TBC1D5: variants seen among roughly 807,000 people sequenced by gnomAD.
TBC1D5 encodes TBC1 domain family, member 5.
A neutral mutation model predicts 100.3 loss-of-function variants in TBC1D5; 75 were observed. The observed-to-expected ratio is 0.75, with a 90% CI of 0.62 to 0.91. TBC1D5 has a LOEUF of 0.91. Among genes scored for constraint, TBC1D5 ranks in the 40% least tolerant of loss-of-function variants. The pLI, the probability that TBC1D5 is intolerant of heterozygous loss-of-function variation, is 0.00. For missense variants in TBC1D5, 910 were observed against 942.4 expected (o/e 0.97, Z 0.45); for synonymous variants, 323 against 325.6 (o/e 0.99, Z 0.09).
intron 15 of TBC1D5, among the ~76,000 whole-genome samples, chr3:17,267,830 T>A (rs923719683): frequency 2.6e-5 from 4 of 152,136 alleles, no homozygotes; most frequent in African/African-American, 7.2e-5. Context: ...AGCCACACTT[T>A]TAATGCAACT....
At chr3:17,442,680 T>C (rs997890823) in intron 3 of TBC1D5, among the ~76,000 whole-genome samples, 3 of 152,130 alleles carry the variant, frequency 2.0e-5, no homozygotes, top group Admixed American at 2.0e-4. Flanking sequence ...ATAATATTAA[T>C]ATCAACTACC....
chr3:17,401,643 C>T (rs1202770835), intron 8 of TBC1D5, among the ~76,000 whole-genome samples: 4 of 151,972 alleles, frequency 2.6e-5, no homozygotes, highest in African/African-American at 7.2e-5. Context: ...CTCTGTGACT[C>T]GGCACCAGCG....
At chr3:17,445,766 A>G (rs1008203369) in intron 3 of TBC1D5, among the ~76,000 whole-genome samples, 1 of 152,230 alleles carries the variant, frequency 6.6e-6, no homozygotes, top group Non-Finnish European at 1.5e-5. Flanking sequence ...ATGTACGTAT[A>G]GCAAAAAACA....
chr3:17,386,552 G>A (rs745758638), intron 8 of TBC1D5, among the ~76,000 whole-genome samples: 3 of 152,062 alleles, frequency 2.0e-5, no homozygotes, highest in Non-Finnish European at 4.4e-5. Flanking sequence ...CAGCTTACAC[G>A]TCTGCCAATC....
intron 3 of TBC1D5, among the ~76,000 whole-genome samples, chr3:17,502,416 T>C (rs1209885987): frequency 6.7e-6 from 1 of 149,398 alleles, no homozygotes; most frequent in African/African-American, 2.5e-5. Flanking sequence ...ATCCTGGTTT[T>C]CCTTCTACTT....
intron 3 of TBC1D5, among the ~76,000 whole-genome samples, chr3:17,467,994 A>G (rs968364447): frequency 6.6e-6 from 1 of 152,224 alleles, no homozygotes; most frequent in Non-Finnish European, 1.5e-5. Flanking sequence ...TGAAGTAAAG[A>G]GACTAAAGAA....
chr3:17,192,444 G>A (rs954246947), intron 18 of TBC1D5, among the ~76,000 whole-genome samples: 2 of 152,058 alleles, frequency 1.3e-5, no homozygotes, highest in African/African-American at 4.8e-5. Context: ...ATGGTAAAGG[G>A]CTTCCTTCTA....
intron 2 of TBC1D5, among the ~76,000 whole-genome samples, chr3:17,600,357 T>C (rs1435806251): frequency 1.3e-5 from 2 of 152,234 alleles, no homozygotes; most frequent in African/African-American, 4.8e-5. Flanking sequence ...GAAGGTCACA[T>C]GTATTTATTA....
intron 2 of TBC1D5, among the ~76,000 whole-genome samples, chr3:17,592,309 G>A (rs1461691047): frequency 1.3e-5 from 2 of 152,210 alleles, no homozygotes; most frequent in Non-Finnish European, 2.9e-5. Context: ...ACTGGATCCA[G>A]CGAGAAAGAA....
At chr3:17,474,282 T>C (rs2095413062) in intron 3 of TBC1D5, among the ~76,000 whole-genome samples, 1 of 152,146 alleles carries the variant, frequency 6.6e-6, no homozygotes, top group African/African-American at 2.4e-5. Flanking sequence ...TCAAAACAGA[T>C]TTCTGAGTTA....
chr3:17,530,777 T>C (rs2096210871), intron 2 of TBC1D5, among the ~76,000 whole-genome samples: 1 of 152,106 alleles, frequency 6.6e-6, no homozygotes, highest in South Asian at 2.1e-4. Context: ...TTGACAAAAT[T>C]CAACAACCCT....
At chr3:17,201,734 G>A (rs2071487333) in intron 18 of TBC1D5, among the ~76,000 whole-genome samples, 1 of 152,066 alleles carries the variant, frequency 6.6e-6, no homozygotes, top group African/African-American at 2.4e-5. Flanking sequence ...CTCCTTCTCT[G>A]GCTGTGTAAG....
At chr3:17,594,323 G>T (rs890899970) in intron 2 of TBC1D5, among the ~76,000 whole-genome samples, 9 of 152,156 alleles carry the variant, frequency 5.9e-5, no homozygotes, top group African/African-American at 2.2e-4. Flanking sequence ...TTGTGATTAA[G>T]GTCAATGGGA....
At chr3:17,694,237 A>G (rs2071636589) in intron 1 of TBC1D5, among the ~76,000 whole-genome samples, 2 of 152,250 alleles carry the variant, frequency 1.3e-5, no homozygotes, top group African/African-American at 4.8e-5. Flanking sequence ...AGCTGTACAG[A>G]GAACGACTTT....
intron 19 of TBC1D5, among the ~76,000 whole-genome samples, chr3:17,170,890 C>G (rs1185148273): frequency 1.3e-5 from 2 of 152,200 alleles, no homozygotes; most frequent in Non-Finnish European, 2.9e-5. Context: ...CTATAAGAGA[C>G]TGAATTGCCT....
intron 19 of TBC1D5, among the ~76,000 whole-genome samples, chr3:17,169,167 T>C (rs1022673531): frequency 6.6e-6 from 1 of 152,224 alleles, no homozygotes; most frequent in African/African-American, 2.4e-5. Context: ...TTGATGCATG[T>C]ATTTGCTGGT....
exon 22 of TBC1D5, chr3:17,157,892 C>G (rs1403019907): frequency 6.6e-6 from 1 of 150,668 alleles, no homozygotes; most frequent in Non-Finnish European, 1.5e-5. Flanking sequence ...CTTAGCAACC[C>G]CAGGGCTGAC....
At position 17,459,677 on chromosome 3, in the gene TBC1D5, T is replaced by A. The variant is rs148253416; in HGVS notation, c.98-31158A>T. On this transcript the variant is annotated intron_variant, in intron 3 of 21. Coordinates refer to ENST00000253692, the Ensembl canonical transcript of TBC1D5. ...ACTCAGGAGGCTGAAATGGGAGGAC[T>A]GCCTGAGCCCAGGAGTTCAGGGCCA... is the stretch of plus-strand genomic sequence containing the variant. 3.6e-3 allele frequency among the ~76,000 whole-genome samples: 540 copies of A among 151,660 alleles called. 4 individuals are homozygous for A. Among genetic ancestry groups the A allele is most frequent in the South Asian group, 0.026 (125 of 4,786 alleles).
intron 2 of TBC1D5, among the ~76,000 whole-genome samples, chr3:17,549,094 T>TA (rs140169402): frequency 0.11 from 17,015 of 152,212 alleles, 1,136 homozygotes; most frequent in African/African-American, 0.18. Flanking sequence ...GGTCAGGAGT[T>TA]AGAGACCAGC....
Sources: allele counts gnomAD v4.1 joint callset (sites outside exome capture counted in the v4.1 genomes callset), GRCh38; gene constraint gnomAD v4.1.1; transcripts MANE v1.5; gene names NCBI Gene and HGNC (gene_info 2026-07-23, HGNC 2026-07-21).